AKT1: variants seen among roughly 807,000 people sequenced by gnomAD.
AKT1 encodes AKT serine/threonine kinase 1.
Under a neutral mutation model 63.1 loss-of-function variants are expected in AKT1, and 21 were observed. The observed-to-expected ratio is 0.33, with a 90% CI of 0.24 to 0.48. The LOEUF is 0.48. Ranked by LOEUF, AKT1 falls within the 20% of genes least tolerant of loss-of-function variation. AKT1 has a pLI of 0.99. For synonymous variants in AKT1, 257 were observed against 253.1 expected, an observed-to-expected ratio of 1.02 and a Z score of -0.15; for missense variants, 382 against 666.0, an observed-to-expected ratio of 0.57 and a Z score of 4.69.
chr14:104,790,720 G>A (rs1893585594), intron 3 of AKT1, among the ~76,000 whole-genome samples: 2 of 152,194 alleles, frequency 1.3e-5, no homozygotes. Context: ...CGGGGGTAGA[G>A]GTACAGGACC....
chr14:104,774,408 G>A (rs745920761), intron 8 of AKT1: 9 of 233,746 alleles, frequency 3.9e-5, no homozygotes, highest in South Asian at 7.7e-5. Context: ...CAGGGCCTTC[G>A]CAAAGGGAGG....
At chr14:104,772,070 C>T in intron 13 of AKT1, 1 of 526,730 alleles carries the variant, frequency 1.9e-6, no homozygotes, top group Non-Finnish European at 3.4e-6. Flanking sequence ...CCAAGGCTGG[C>T]ACTCAGAGTG....
intron 5 of AKT1, 98 bp from the exon 6 acceptor site, chr14:104,775,897 G>C: frequency 6.9e-7 from 1 of 1,447,798 alleles, no homozygotes; most frequent in Non-Finnish European, 9.3e-7. Context: ...TGGTTCCACA[G>C]CTGTCGGGGT....
intron 3 of AKT1, 147 bp from the exon 4 acceptor site, chr14:104,780,363 A>G: frequency 3.5e-6 from 4 of 1,148,590 alleles, no homozygotes; most frequent in Non-Finnish European, 3.6e-6. Flanking sequence ...GCTGTTTCTT[A>G]GGGCCAGCGA....
At chr14:104,791,263 G>A (rs1318362633) in intron 3 of AKT1, among the ~76,000 whole-genome samples, 1 of 152,276 alleles carries the variant, frequency 6.6e-6, no homozygotes, top group South Asian at 2.1e-4. Flanking sequence ...TCGGGGCAGG[G>A]GGTCCCTGAC....
In AKT1 at chr14:104,772,140, G is replaced by A. The variant is rs180731749; in HGVS notation, c.1260+225C>T. 1.7e-3 allele frequency: 1,027 copies of A among 597,296 alleles called. 2 individuals are homozygous for A. Among genetic ancestry groups the A allele is most frequent in the Non-Finnish European group, 2.4e-3 (798 of 334,224 alleles). 37.0% of individuals were successfully genotyped at this position (597,296 alleles called of 1,614,324 possible). On this transcript the variant is annotated intron_variant, in intron 13 of 14. Transcript: ENST00000649815. The stretch of plus-strand genomic sequence containing the variant: ...TGTGACACACCTCCGAGGGGAGGAG[G>A]AAATGAGGACCAGGCCAGTTTCCTG...
At chr14:104,780,888 G>A (rs1892998876) in intron 3 of AKT1, among the ~76,000 whole-genome samples, 1 of 152,238 alleles carries the variant, frequency 6.6e-6, no homozygotes, top group Admixed American at 6.5e-5. Context: ...GATGAAGCCA[G>A]ACACGGAGGT....
rs1358402472 is a variant in AKT1 at position 104,769,432 on chromosome 14, GT to G, written c.*908del. 5.0e-6 allele frequency: 2 copies of G among 400,306 alleles called. No homozygotes were observed. Among genetic ancestry groups the G allele is most frequent in the Non-Finnish European group, 9.5e-6 (2 of 210,596 alleles). The allele number at this position is 400,306 out of a possible 1,614,324, so 24.8% of individuals were successfully genotyped here. On this transcript the variant is annotated 3_prime_UTR_variant, in exon 15 of 15. Transcript: ENST00000649815. ...AGTAAAAATACTAAAGTTGAATGTT[GT>G]AAAAAAACGCCGTGGTGCAGCGGCA... is the stretch of plus-strand genomic sequence containing the variant.
At chr14:104,784,842 G>A (rs1893252167) in intron 3 of AKT1, among the ~76,000 whole-genome samples, 2 of 152,194 alleles carry the variant, frequency 1.3e-5, no homozygotes, top group African/African-American at 4.8e-5. Context: ...GCCAGCTGGT[G>A]GCCCTCCACG....
intron 4 of AKT1, chr14:104,777,695 T>C (rs1892810315): frequency 1.0e-6 from 1 of 985,784 alleles, no homozygotes; most frequent in Admixed American, 6.1e-5. Flanking sequence ...GCCCAGCCTG[T>C]GCAAAGCAGG....
intron 1 of AKT1, 128 bp from the exon 2 acceptor site, chr14:104,793,432 T>C (rs994774382): frequency 1.3e-4 from 27 of 206,162 alleles, no homozygotes; most frequent in Admixed American, 8.4e-4. Context: ...AGGCCCCTCC[T>C]AAACCACAGC....
chr14:104,774,220 GCCACGCTGCCCCACA>G (rs1892580582), intron 8 of AKT1: 2 of 524,176 alleles, frequency 3.8e-6, no homozygotes, highest in South Asian at 4.0e-5. Context: ...CTGCCCCCAT[GCCACGCTGCCCCACA>G]CCACACTGCC....
intron 3 of AKT1, among the ~76,000 whole-genome samples, chr14:104,791,017 G>A (rs61758466): frequency 0.14 from 20,616 of 152,132 alleles, 1,515 homozygotes; most frequent in Non-Finnish European, 0.16. Context: ...CTGAAGGCAC[G>A]ACATCAGCAG....
chr14:104,782,199 G>A (rs988628348), intron 3 of AKT1, among the ~76,000 whole-genome samples: 9 of 151,758 alleles, frequency 5.9e-5, no homozygotes, highest in Non-Finnish European at 1.3e-4. Flanking sequence ...CCCATCCTGG[G>A]CCACCCCGCT....
At chr14:104,777,633 G>A (rs1892805596) in intron 4 of AKT1, 3 of 989,142 alleles carry the variant, frequency 3.0e-6, no homozygotes, top group Admixed American at 6.1e-5. Context: ...GGGGCCCTGA[G>A]AGGTGTGAGT....
At position 104,774,046 on chromosome 14, in the gene AKT1, CGACACCACGCTGCTT is replaced by C. The variant is rs926022659; in HGVS notation, c.634-81_634-67del. On this transcript the variant is annotated intron_variant, in intron 8 of 14. Coordinates refer to ENST00000649815, the MANE Select transcript of AKT1 (RefSeq NM_001382430.1). ...GACGGCAGCCCCGCACCACGCTGCC[CGACACCACGCTGCTT>C]GATACCACGTCGCCTGATACCACAC... 7.2e-5 allele frequency: 105 copies of C among 1,460,640 alleles called. No individual in the cohort carries two copies. The African/African-American group carries it at 1.4e-3, about 20-fold the overall frequency. The allele number at this position is 1,460,640 out of a possible 1,614,324, so 90.5% of individuals were successfully genotyped here.
chr14:104,776,571 C>A, intron 5 of AKT1, 88 bp downstream of exon 5: 1 of 1,165,672 alleles, frequency 8.6e-7, no homozygotes, highest in Non-Finnish European at 1.2e-6. Flanking sequence ...TGGCTACAGG[C>A]AGAGGTGCCA....
In AKT1 at chr14:104,769,776, G is replaced by A; in HGVS notation, c.*565C>T. 5.2e-6 allele frequency: 2 copies of A among 386,626 alleles called. No individual in the cohort carries two copies. Among genetic ancestry groups the A allele is most frequent in the South Asian group, 2.4e-5 (1 of 42,030 alleles). 23.9% of individuals were successfully genotyped at this position (386,626 alleles called of 1,614,324 possible). ...AACCCTGGCCCATCCCCCATCCCTG[G>A]TCCCATCCCAGGGGCCCAGCCTCCG... is the stretch of plus-strand genomic sequence containing the variant. On this transcript the variant is annotated 3_prime_UTR_variant, in exon 15 of 15. Transcript: ENST00000649815.
At chr14:104,789,329 A>C (rs903201676) in intron 3 of AKT1, among the ~76,000 whole-genome samples, 1 of 152,224 alleles carries the variant, frequency 6.6e-6, no homozygotes, top group African/African-American at 2.4e-5. Flanking sequence ...CCGCGAGTGG[A>C]CAAAAACAGG....
Sources: gnomAD v4.1 joint callset for allele counts (sites outside exome capture counted in the v4.1 genomes callset) on GRCh38, gnomAD v4.1.1 for gene constraint, MANE v1.5 for transcripts, NCBI Gene and HGNC (gene_info 2026-07-23, HGNC 2026-07-21) for gene names.